ZNF676: variants seen among roughly 807,000 people sequenced by gnomAD.
ZNF676 encodes the protein zinc finger protein 676.
In ZNF676, 4 loss-of-function variants were observed where a neutral mutation model predicts 6.0. That is an observed-to-expected ratio of 0.67 (90% confidence interval 0.33 to 1.53). The LOEUF (loss-of-function observed/expected upper bound fraction) is 1.53, where lower values mean the gene tolerates loss of function less well. Ranked by LOEUF, ZNF676 falls within the 40% of genes most tolerant of loss-of-function variation. The pLI, the probability that ZNF676 is intolerant of heterozygous loss-of-function variation, is 0.06. For synonymous variants in ZNF676, 198 were observed against 223.1 expected (o/e 0.89, Z 1.00); for missense variants, 644 against 679.7 (o/e 0.95, Z 0.58).
chr19:22,237,531 CT>C, the ZNF676 span, among the ~76,000 whole-genome samples: 1 of 152,160 alleles, frequency 6.6e-6, no homozygotes, highest in Admixed American at 6.5e-5. Context: ...GCCGCTGGGA[CT>C]TTAGTCTACT....
At chr19:22,187,683 G>C (rs1337297237) in intron 2 of ZNF676, among the ~76,000 whole-genome samples, 1 of 151,628 alleles carries the variant, frequency 6.6e-6, no homozygotes, top group African/African-American at 2.4e-5. Flanking sequence ...AATAATAAAG[G>C]GGACACCGCC....
intron 1 of ZNF676, chr19:22,215,609 T>C (rs2024176417): frequency 6.2e-7 from 1 of 1,610,098 alleles, no homozygotes; most frequent in Non-Finnish European, 8.5e-7. Flanking sequence ...ACTCTCTCAG[T>C]GTGTCGGACC....
chr19:22,196,684 C>T lies in ZNF676; in HGVS notation c.-51G>A. ...GTAGAATCCAGGCATTGCCACTCCT[C>T]CAGAGAGAATTCTATGGCCACATCC... On this transcript the variant is annotated 5_prime_UTR_variant, in exon 1 of 3. Coordinates refer to ENST00000397121, the MANE Select transcript of ZNF676 (RefSeq NM_001001411.3). The T allele has an allele frequency of 6.2e-7, 1 of 1,612,870 alleles. No homozygotes were observed. Among genetic ancestry groups the T allele is most frequent in the Non-Finnish European group, 8.5e-7 (1 of 1,179,020 alleles).
the ZNF676 span, among the ~76,000 whole-genome samples, chr19:22,258,385 A>C: frequency 6.6e-6 from 1 of 152,168 alleles, no homozygotes; most frequent in East Asian, 1.9e-4. Context: ...GAGCAGGACC[A>C]AGGAAAGAGA....
Position 22,179,980 on chromosome 19 carries a change from A to T in ZNF676, c.1737T>A (p.His579Gln). 3 of 1,613,536 alleles carry T rather than the reference A, an allele frequency of 1.9e-6. No individual in the cohort carries two copies. The highest frequency in any genetic ancestry group is 2.5e-6 in the Non-Finnish European group (3 of 1,179,780). The change falls in exon 3 of 3, where the codon CAT becomes CAA. Residue 579 changes from histidine (H) to glutamine (Q), a missense_variant. Transcript: ENST00000397121. Reference sequence around the variant, plus strand: ...GATTCTCTCCAGTATGAATTTTCTTATGATAACTAACAGTTGAGGATGACT... The same window carrying T: ...GATTCTCTCCAGTATGAATTTTCTTTTGATAACTAACAGTTGAGGATGACT... ...AFKSSSTVSYHKKIHTGENP is the reference protein window; with the variant it reads ...AFKSSSTVSYQKKIHTGENP
chr19:22,239,300 C>T, the ZNF676 span, among the ~76,000 whole-genome samples: 2 of 151,330 alleles, frequency 1.3e-5, no homozygotes, highest in East Asian at 2.0e-4. Flanking sequence ...CTCAGCCTCC[C>T]GAGTAGCTAG....
At chr19:22,185,099 G>A (rs2023817731) in intron 2 of ZNF676, among the ~76,000 whole-genome samples, 2 of 152,226 alleles carry the variant, frequency 1.3e-5, no homozygotes, top group South Asian at 2.1e-4. Flanking sequence ...GAAGCTGATA[G>A]AGACCTCATA....
chr19:22,183,146 A>T (rs1354237349), intron 2 of ZNF676, among the ~76,000 whole-genome samples: 3 of 152,142 alleles, frequency 2.0e-5, no homozygotes, highest in African/African-American at 7.2e-5. Flanking sequence ...CACAAAAGAA[A>T]AATAAGAAAA....
intron 1 of ZNF676, among the ~76,000 whole-genome samples, chr19:22,208,677 G>A (rs2024099459): frequency 6.6e-6 from 1 of 152,186 alleles, no homozygotes; most frequent in Non-Finnish European, 1.5e-5. Context: ...TGGGCATGAT[G>A]GCACATGTCT....
At chr19:22,202,651 C>A (rs536110276) in intron 1 of ZNF676, among the ~76,000 whole-genome samples, 4 of 152,296 alleles carry the variant, frequency 2.6e-5, no homozygotes, top group African/African-American at 9.6e-5. Context: ...ACATGCATTA[C>A]AGTCAATTTG....
At chr19:22,206,983 A>T (rs1406721720) in intron 1 of ZNF676, among the ~76,000 whole-genome samples, 2 of 152,108 alleles carry the variant, frequency 1.3e-5, no homozygotes, top group African/African-American at 4.8e-5. Context: ...CCACAGCCAA[A>T]ATACTGAATG....
intron 1 of ZNF676, among the ~76,000 whole-genome samples, chr19:22,202,477 T>G (rs185507230): frequency 6.6e-5 from 10 of 152,284 alleles, no homozygotes; most frequent in East Asian, 3.9e-4. Flanking sequence ...GGCCCATCTA[T>G]AGTAAAGCTT....
Position 22,180,188 on chromosome 19 carries a change from C to T in ZNF676, c.1529G>A (p.Cys510Tyr), listed in dbSNP as rs2023712122. Residue 510 changes from cysteine (C) to tyrosine (Y), a missense_variant, in exon 3 of 3, where the codon TGT becomes TAT. Physicochemically the swap from Cys to Tyr is radical, Grantham distance 194 (BLOSUM62 -2). Coordinates refer to ENST00000397121, the MANE Select transcript of ZNF676 (RefSeq NM_001001411.3). ...CGAGGACCAGCTGAAGGCTTTGCCACATTCTTCACATTTGTAGCGTTTCTC... is the reference window on the plus strand; with the variant it reads ...CGAGGACCAGCTGAAGGCTTTGCCATATTCTTCACATTTGTAGCGTTTCTC... ...TGEKRYKCEE[C>Y]GKAFSWSSIL... The T allele has an allele frequency of 6.2e-7, 1 of 1,613,552 alleles. No individual in the cohort carries two copies. Among genetic ancestry groups the T allele is most frequent in the East Asian group, 2.2e-5 (1 of 44,856 alleles).
At chr19:22,219,634 A>G (rs116742753), upstream of ZNF676, among the ~76,000 whole-genome samples, 623 of 151,510 alleles carry the variant, frequency 4.1e-3, 6 homozygotes, top group African/African-American at 0.014. Flanking sequence ...TGTTCAGTGT[A>G]ATGTTGGCTG....
intron 2 of ZNF676, among the ~76,000 whole-genome samples, chr19:22,183,510 GT>G (rs1692786194): frequency 6.6e-6 from 1 of 151,696 alleles, no homozygotes; most frequent in Non-Finnish European, 1.5e-5. Context: ...GTTAATTTAT[GT>G]ATTTTTAGTA....
chr19:22,205,103 G>A (rs572434569), intron 1 of ZNF676, among the ~76,000 whole-genome samples: 2 of 152,026 alleles, frequency 1.3e-5, no homozygotes, highest in African/African-American at 4.8e-5. Flanking sequence ...GTTTATGGGG[G>A]GAAAAGCAGA....
the ZNF676 span, among the ~76,000 whole-genome samples, chr19:22,257,888 A>G: frequency 6.6e-6 from 1 of 152,152 alleles, no homozygotes; most frequent in African/African-American, 2.4e-5. Flanking sequence ...TACATAAACT[A>G]GGTCCAGGGC....
At chr19:22,235,011 AGAAAGAAAGAAAGAAAG>A in the ZNF676 span, among the ~76,000 whole-genome samples, 1 of 104,288 alleles carries the variant, frequency 9.6e-6, no homozygotes, top group South Asian at 3.4e-4. Context: ...AAAGAAAGAA[AGAAAGAAAGAAAGAAAG>A]AAAGAAAAGA....
intron 1 of ZNF676, among the ~76,000 whole-genome samples, chr19:22,211,128 AT>A (rs2024126062): frequency 6.8e-6 from 1 of 146,414 alleles, no homozygotes; most frequent in Admixed American, 6.9e-5. Flanking sequence ...CTAGCTGGTT[AT>A]TTTAAAACCT....
Sources: allele counts gnomAD v4.1 joint callset (sites outside exome capture counted in the v4.1 genomes callset), GRCh38; gene constraint gnomAD v4.1.1; transcripts MANE v1.5; gene names NCBI Gene and HGNC (gene_info 2026-07-23, HGNC 2026-07-21).